The following ARHGEF10L variants were observed in gnomAD, a reference collection of about 807,000 sequenced individuals.
ARHGEF10L encodes rho guanine nucleotide exchange factor 10-like protein.
In ARHGEF10L, 69 loss-of-function variants were observed where a neutral mutation model predicts 141.2. The ratio of observed to expected loss-of-function variants is 0.49; its 90% CI spans 0.40 to 0.60. The LOEUF is 0.60. Among genes scored for constraint, ARHGEF10L ranks in the 20% least tolerant of loss-of-function variants. The pLI is 0.00. For synonymous variants in ARHGEF10L, 711 were observed against 718.5 expected (o/e 0.99, Z 0.17); for missense variants, 1,482 against 1,734.3 (o/e 0.85, Z 2.58).
the ARHGEF10L span, among the ~76,000 whole-genome samples, chr1:17,524,364 TACACACACACACACACACAC>T: frequency 0.034 from 3,945 of 116,054 alleles, 103 homozygotes; most frequent in South Asian, 0.14. Flanking sequence ...ACCCCGTCTC[TACACACACACACACACACAC>T]ACACACACAC....
In ARHGEF10L at chr1:17,629,921, T is replaced by C. The variant is rs575292928; in HGVS notation, c.1585-2400T>C. Among the ~76,000 whole-genome samples the C allele has an allele frequency of 1.2e-4, 18 of 152,236 alleles. No homozygotes were observed. The East Asian group carries it at 1.7e-3, about 15-fold the overall frequency. On this transcript the variant is annotated intron_variant, in intron 15 of 28. Transcript: ENST00000361221. ...TCTTGGGAGGAGGAAATAAATTCCG[T>C]AGTGGTTGGGAAGAGCCGTTCTGCC... is the stretch of plus-strand genomic sequence containing the variant.
chr1:17,517,396 A>G, the ARHGEF10L span, among the ~76,000 whole-genome samples: 4 of 151,626 alleles, frequency 2.6e-5, no homozygotes, highest in Non-Finnish European at 4.4e-5. Flanking sequence ...CAGTGGTGCA[A>G]TCTCAGCTCA....
At chr1:17,599,598 C>T (rs2080447718) in intron 4 of ARHGEF10L, among the ~76,000 whole-genome samples, 1 of 152,110 alleles carries the variant, frequency 6.6e-6, no homozygotes, top group Non-Finnish European at 1.5e-5. Context: ...CTCAGCGAAG[C>T]AGCTGTTAGA....
At chr1:17,553,198 T>C (rs2077181190) in intron 1 of ARHGEF10L, among the ~76,000 whole-genome samples, 1 of 152,190 alleles carries the variant, frequency 6.6e-6, no homozygotes, top group Non-Finnish European at 1.5e-5. Context: ...GCCAGTTGCC[T>C]GGGTTCTAAT....
chr1:17,683,690 C>T (rs891215330), intron 26 of ARHGEF10L, among the ~76,000 whole-genome samples: 19 of 152,240 alleles, frequency 1.2e-4, no homozygotes, highest in African/African-American at 3.9e-4. Context: ...CCCTTTCCCC[C>T]GCCGGCCTCC....
intron 22 of ARHGEF10L, 140 bp downstream of exon 22, chr1:17,648,815 G>C (rs1031458598): frequency 3.1e-6 from 4 of 1,300,398 alleles, no homozygotes; most frequent in Non-Finnish European, 3.1e-6. Context: ...CTTACTGACA[G>C]ATTTGGTCAA....
intron 2 of ARHGEF10L, among the ~76,000 whole-genome samples, chr1:17,585,606 G>C (rs1211494744): frequency 2.6e-5 from 4 of 152,136 alleles, no homozygotes; most frequent in Non-Finnish European, 5.9e-5. Flanking sequence ...GCGTACTCTG[G>C]GCTTCCATTG....
chr1:17,608,147 G>A lies in ARHGEF10L; in HGVS notation c.609+170G>A, dbSNP rs373936331. 2.0e-5 allele frequency among the ~76,000 whole-genome samples: 3 copies of A among 152,280 alleles called. No individual in the cohort carries two copies. The East Asian group carries it at 5.8e-4, about 29-fold the overall frequency. ...GGGAGCCAGAAGCCCAGGTCATCCC[G>A]AAACAGGAGGTGACTCGTAGACATT... On this transcript the variant is annotated intron_variant, in intron 7 of 28. Transcript: ENST00000361221.
Position 17,593,811 on chromosome 1 carries a change from C to A in ARHGEF10L, c.257+5332C>A, listed in dbSNP as rs144102781. On this transcript the variant is annotated intron_variant, in intron 4 of 28. Transcript: ENST00000361221. ...CAGCCATAGGAAACTAACACGACAG[C>A]CCTGGAAAGAGGAAATTATCGTGGG... 1.1e-3 allele frequency among the ~76,000 whole-genome samples: 160 copies of A among 152,082 alleles called. 1 individual carries two copies. The highest frequency in any genetic ancestry group is 3.8e-3 in the African/African-American group (157 of 41,486).
chr1:17,521,168 G>A, the ARHGEF10L span, among the ~76,000 whole-genome samples: 14 of 152,150 alleles, frequency 9.2e-5, no homozygotes, highest in Non-Finnish European at 1.6e-4. Context: ...GACTATCTCC[G>A]GGAATGGAGA....
rs563598563 is a variant in ARHGEF10L at position 17,697,535 on chromosome 1, A to T, written c.*155A>T. The T allele has an allele frequency of 3.2e-5, 35 of 1,109,464 alleles. No homozygotes were observed. Among genetic ancestry groups the T allele is most frequent in the African/African-American group, 2.2e-4 (14 of 63,228 alleles). 68.7% of individuals were successfully genotyped at this position (1,109,464 alleles called of 1,614,324 possible). A position where few individuals can be genotyped will look rare whatever the true frequency, so the allele number is the denominator to read the frequency against. On this transcript the variant is annotated 3_prime_UTR_variant, in exon 29 of 29. Coordinates refer to ENST00000361221, the MANE Select transcript of ARHGEF10L (RefSeq NM_018125.4). This position sits in a 1 kb window ranked among gnomAD's most constrained non-coding sequence, Gnocchi z 4.8. ...AAGGAAAACCTCTTGTTTTAAAAAA[A>T]TTTTTTTCAGAGTGTTTTGGGGAGG... is the stretch of plus-strand genomic sequence containing the variant.
intron 2 of ARHGEF10L, among the ~76,000 whole-genome samples, chr1:17,584,127 C>G (rs1382428731): frequency 2.0e-5 from 3 of 152,300 alleles, no homozygotes; most frequent in Non-Finnish European, 2.9e-5. Flanking sequence ...TCAGTGCAGC[C>G]TTGAACTCCT....
chr1:17,668,554 T>C (rs967233198), intron 26 of ARHGEF10L, among the ~76,000 whole-genome samples: 1 of 152,142 alleles, frequency 6.6e-6, no homozygotes, highest in African/African-American at 2.4e-5. Context: ...CCAGCTGCTG[T>C]AAAGAAGGGG....
chr1:17,669,148 C>T (rs902407994), intron 26 of ARHGEF10L, among the ~76,000 whole-genome samples: 5 of 152,222 alleles, frequency 3.3e-5, no homozygotes, highest in Non-Finnish European at 7.3e-5. Context: ...GAATCTGCCC[C>T]AGGCTTGAGA....
In ARHGEF10L at chr1:17,697,041, C is replaced by T. The variant is rs753428121; in HGVS notation, c.3501C>T (p.Arg1167=). Reference sequence around the variant, plus strand: ...GCCACGTGGGCCGAGAGCTGACCCGCAAGAAGGGCATCCTCTTGCAGTACC... The same window carrying T: ...GCCACGTGGGCCGAGAGCTGACCCGTAAGAAGGGCATCCTCTTGCAGTACC... ...PDSHVGRELT[R]KKGILLQYRL... Residue 1167 remains arginine, a synonymous_variant, in exon 29 of 29, where the codon CGC becomes CGT. Coordinates refer to ENST00000361221, the MANE Select transcript of ARHGEF10L (RefSeq NM_018125.4). This position sits in a 1 kb window ranked among gnomAD's most constrained non-coding sequence, Gnocchi z 4.8. The T allele has an allele frequency of 1.9e-6, 3 of 1,604,156 alleles. No individual in the cohort carries two copies. The highest frequency in any genetic ancestry group is 2.6e-6 in the Non-Finnish European group (3 of 1,174,706).
intron 1 of ARHGEF10L, among the ~76,000 whole-genome samples, chr1:17,579,366 G>A (rs952783491): frequency 3.3e-5 from 5 of 152,118 alleles, no homozygotes; most frequent in African/African-American, 9.7e-5. Context: ...TTTGAGTCTT[G>A]AAAGGTGCTA....
At chr1:17,525,897 G>T in the ARHGEF10L span, among the ~76,000 whole-genome samples, 1 of 150,820 alleles carries the variant, frequency 6.6e-6, no homozygotes, top group African/African-American at 2.4e-5. Flanking sequence ...AGCCACTTGG[G>T]AAGCCGAGAT....
chr1:17,685,937 T>C (rs2064533928), intron 26 of ARHGEF10L, among the ~76,000 whole-genome samples: 1 of 152,188 alleles, frequency 6.6e-6, no homozygotes, highest in African/African-American at 2.4e-5. Context: ...AAATTCTTTA[T>C]GGAAAAAGGA....
chr1:17,695,194 G>T lies in ARHGEF10L; in HGVS notation c.3221G>T (p.Cys1074Phe). Residue 1074 changes from cysteine to phenylalanine, a missense_variant, in exon 28 of 29, where the codon TGC (cysteine) becomes TTC (phenylalanine). Cys to Phe is a radical substitution (Grantham distance 205). Coordinates refer to ENST00000361221, the MANE Select transcript of ARHGEF10L (RefSeq NM_018125.4). ...TTGTGTGTCACCAGCCTCCTGATCT[G>T]CCAGGGTCTGCTCTGGGTGGGCACT... ...KHLCVTSLLI[C>F]QGLLWVGTDQ... 1 of 1,612,994 alleles carries T rather than the reference G, an allele frequency of 6.2e-7. No homozygotes were observed. Among genetic ancestry groups the T allele is most frequent in the Non-Finnish European group, 8.5e-7 (1 of 1,179,954 alleles).
Sources: allele counts gnomAD v4.1 joint callset (sites outside exome capture counted in the v4.1 genomes callset), GRCh38; gene constraint gnomAD v4.1.1; non-coding constraint Gnocchi (gnomAD v3.1); transcripts MANE v1.5; gene names NCBI Gene and HGNC (gene_info 2026-07-23, HGNC 2026-07-21).